RIC1: variants seen among roughly 807,000 people sequenced by gnomAD.
The protein encoded by RIC1 is RIC1 partner of RAB6A GEF complex.
A neutral mutation model predicts 169.0 loss-of-function variants in RIC1; 88 were observed. The observed-to-expected ratio is 0.52, with a 90% confidence interval of 0.44 to 0.62. RIC1 has a LOEUF of 0.62. Among genes scored for constraint, RIC1 ranks in the 20% least tolerant of loss-of-function variants. The probability of loss-of-function intolerance (pLI) is 0.00; values close to 1 mark genes in which losing one functional copy is unlikely to be tolerated. For synonymous variants in RIC1, 790 were observed against 601.5 expected (o/e 1.31, Z -4.59); for missense variants, 1,877 against 1,725.5 (o/e 1.09, Z -1.56).
chr9:5,726,152 G>T (rs1418791522), intron 6 of RIC1, among the ~76,000 whole-genome samples: 1 of 152,168 alleles, frequency 6.6e-6, no homozygotes, highest in Non-Finnish European at 1.5e-5. Flanking sequence ...TTACGGTGGG[G>T]TGTTAAAGTC....
chr9:5,762,397 A>G, intron 17 of RIC1, 144 bp from the exon 18 acceptor site: 1 of 962,634 alleles, frequency 1.0e-6, no homozygotes, highest in East Asian at 2.7e-5. Context: ...ATATTCCCAC[A>G]GAGCCTAGCA....
chr9:5,706,637 G>T (rs1432162591), intron 3 of RIC1, among the ~76,000 whole-genome samples: 1 of 152,038 alleles, frequency 6.6e-6, no homozygotes, highest in East Asian at 1.9e-4. Context: ...ACTTATTATA[G>T]GTCTATTCAT....
At chr9:5,639,996 C>A (rs971825523) in intron 1 of RIC1, among the ~76,000 whole-genome samples, 7 of 152,222 alleles carry the variant, frequency 4.6e-5, no homozygotes, top group East Asian at 1.9e-4. Flanking sequence ...GGCAACAGAT[C>A]AGTGGATCTT....
chr9:5,641,518 G>A (rs898705078), intron 1 of RIC1, among the ~76,000 whole-genome samples: 11 of 152,066 alleles, frequency 7.2e-5, no homozygotes, highest in African/African-American at 2.4e-4. Flanking sequence ...TTTCTACTCC[G>A]GTCTCTTTCT....
Position 5,747,460 on chromosome 9 carries a change from G to C in RIC1, c.1407G>C (p.Gln469His). ...SPFADGGLES[Q>H]GLSTLLGHRH... Reference sequence around the variant, plus strand: ...TTGCAGATGGAGGTTTAGAGTCTCAGGGATTAAGCACTTTACTTGGACATC... The same window carrying C: ...TTGCAGATGGAGGTTTAGAGTCTCACGGATTAAGCACTTTACTTGGACATC... Residue 469 changes from glutamine (Q) to histidine (H), a missense_variant, in exon 12 of 26, where the codon CAG (glutamine) becomes CAC (histidine). Around this residue, in one of 3 missense-constraint regions of RIC1, gnomAD observed 1,104 missense variants for 992.0 expected, o/e 1.11. Transcript: ENST00000414202. 6.2e-7 allele frequency: 1 copy of C among 1,614,084 alleles called. No individual in the cohort carries two copies. Among genetic ancestry groups the C allele is most frequent in the Non-Finnish European group, 8.5e-7 (1 of 1,179,934 alleles).
chr9:5,660,863 C>G (rs147427927), intron 2 of RIC1, among the ~76,000 whole-genome samples: 2 of 152,156 alleles, frequency 1.3e-5, no homozygotes, highest in East Asian at 3.8e-4. Flanking sequence ...CGATTAGATC[C>G]CATTTGTCAA....
intron 2 of RIC1, among the ~76,000 whole-genome samples, chr9:5,676,177 A>G (rs1820429219): frequency 6.6e-6 from 1 of 152,184 alleles, no homozygotes; most frequent in African/African-American, 2.4e-5. Context: ...TCAGACTCCC[A>G]AAGTGCTGGG....
chr9:5,675,581 T>C (rs1387801818), intron 2 of RIC1, among the ~76,000 whole-genome samples: 1 of 152,240 alleles, frequency 6.6e-6, no homozygotes, highest in Non-Finnish European at 1.5e-5. Flanking sequence ...TTCTTTGTTG[T>C]CTTAATATTT....
chr9:5,774,443 T>C lies in RIC1; in HGVS notation c.*197T>C, dbSNP rs1827465770. ...AAAATGTGATATAAAGCATCTTTCATAAAAAAATTTTAAGCTGCAGTGAAA... is the reference window on the plus strand; with the variant it reads ...AAAATGTGATATAAAGCATCTTTCACAAAAAAATTTTAAGCTGCAGTGAAA... On this transcript the variant is annotated 3_prime_UTR_variant, in exon 26 of 26. Coordinates refer to ENST00000414202, the MANE Select transcript of RIC1 (RefSeq NM_020829.4). 3 of 473,898 alleles carry C rather than the reference T, an allele frequency of 6.3e-6. No homozygotes were observed. The Admixed American group carries it at 1.1e-4, about 17-fold the overall frequency. 29.4% of individuals were successfully genotyped at this position (473,898 alleles called of 1,614,324 possible).
At chr9:5,644,186 T>C (rs770055646) in intron 1 of RIC1, among the ~76,000 whole-genome samples, 9 of 152,204 alleles carry the variant, frequency 5.9e-5, no homozygotes, top group Non-Finnish European at 1.2e-4. Flanking sequence ...AACATTTATA[T>C]CAGCCTTAAA....
At chr9:5,695,160 G>C (rs779089185) in intron 3 of RIC1, among the ~76,000 whole-genome samples, 2 of 152,174 alleles carry the variant, frequency 1.3e-5, no homozygotes, top group South Asian at 2.1e-4. Context: ...TCTCAAAGAT[G>C]ATGAGGTAAC....
chr9:5,770,907 G>C (rs1158324909), intron 23 of RIC1, among the ~76,000 whole-genome samples: 1 of 152,128 alleles, frequency 6.6e-6, no homozygotes, highest in East Asian at 1.9e-4. Context: ...TGTTGGCATA[G>C]GGTTATATAG....
chr9:5,667,022 T>C (rs1031894550), intron 2 of RIC1, among the ~76,000 whole-genome samples: 4 of 152,224 alleles, frequency 2.6e-5, no homozygotes, highest in Non-Finnish European at 5.9e-5. Flanking sequence ...GTTTTGTTGA[T>C]TTTTCAAAGA....
At chr9:5,670,626 C>T (rs917230410) in intron 2 of RIC1, among the ~76,000 whole-genome samples, 7 of 152,032 alleles carry the variant, frequency 4.6e-5, no homozygotes, top group Non-Finnish European at 1.0e-4. Flanking sequence ...AAATCCAAAG[C>T]ATTATATAAA....
rs116143534 is a variant in RIC1, at chr9:5,748,125, A to G, written c.1452+620A>G. 7.1e-3 allele frequency among the ~76,000 whole-genome samples: 1,074 copies of G among 152,326 alleles called. 17 individuals carry two copies. The highest frequency in any genetic ancestry group is 0.025 in the African/African-American group (1,035 of 41,574). On this transcript the variant is annotated intron_variant, in intron 12 of 25. Coordinates refer to ENST00000414202, the MANE Select transcript of RIC1 (RefSeq NM_020829.4). ...CTCAATTTTGATACCAAGTAAAATT[A>G]TTTTGGGGAAACCAGTAAGTTGAAG...
chr9:5,703,179 TAAAATCAA>T (rs1822343634), intron 3 of RIC1, among the ~76,000 whole-genome samples: 1 of 152,152 alleles, frequency 6.6e-6, no homozygotes, highest in Non-Finnish European at 1.5e-5. Context: ...TATGAGCCTG[TAAAATCAA>T]AAACAAGTTA....
intron 2 of RIC1, among the ~76,000 whole-genome samples, chr9:5,675,784 C>G (rs1253576988): frequency 2.0e-5 from 3 of 152,154 alleles, no homozygotes; most frequent in Non-Finnish European, 2.9e-5. Flanking sequence ...CTTAAACTTT[C>G]ACTAAACTCT....
intron 3 of RIC1, among the ~76,000 whole-genome samples, chr9:5,708,984 A>T (rs1440067283): frequency 5.9e-5 from 9 of 152,110 alleles, no homozygotes. Context: ...GAATAGTCAC[A>T]AACTGTTAAT....
At position 5,762,583 on chromosome 9, in the gene RIC1, C is replaced by T; in HGVS notation, c.2035C>T (p.Leu679Phe). The stretch of plus-strand genomic sequence containing the variant: ...CATTATGTTAAACCTGGCAGGACAG[C>T]TCATCATGATGCAGAGGGACAGGTC... ...ESIMLNLAGQ[L>F]IMMQRDRSGP... Residue 679 changes from leucine (L) to phenylalanine (F), a missense_variant, in exon 18 of 26, where the codon CTC (leucine) becomes TTC (phenylalanine). By Grantham distance (22) the Leu-to-Phe change is conservative. Around this residue, in one of 3 missense-constraint regions of RIC1, gnomAD observed 1,104 missense variants for 992.0 expected, o/e 1.11. Transcript: ENST00000414202. The T allele has an allele frequency of 1.2e-6, 2 of 1,613,974 alleles. No individual in the cohort carries two copies. Among genetic ancestry groups the T allele is most frequent in the Non-Finnish European group, 1.7e-6 (2 of 1,179,906 alleles).
Sources: gnomAD v4.1 joint callset for allele counts (sites outside exome capture counted in the v4.1 genomes callset) on GRCh38, gnomAD v4.1.1 for gene constraint, gnomAD v4.1.1 regional missense constraint, MANE v1.5 for transcripts, NCBI Gene and HGNC (gene_info 2026-07-23, HGNC 2026-07-21) for gene names.